D2HGDH: variants seen among roughly 807,000 people sequenced by gnomAD.
D2HGDH encodes the protein D-2-hydroxyglutarate dehydrogenase.
A neutral mutation model predicts 46.9 loss-of-function variants in D2HGDH; 31 were observed. That is an observed-to-expected ratio of 0.66 (90% CI 0.50 to 0.89). The LOEUF (loss-of-function observed/expected upper bound fraction) is 0.89, where lower values mean the gene tolerates loss of function less well. Among genes scored for constraint, D2HGDH ranks in the 40% least tolerant of loss-of-function variants. The probability of loss-of-function intolerance (pLI) is 0.00; values close to 1 mark genes in which losing one functional copy is unlikely to be tolerated. For missense variants in D2HGDH, 698 were observed against 720.8 expected, an observed-to-expected ratio of 0.97 and a Z score of 0.36; for synonymous variants, 364 against 332.6, an observed-to-expected ratio of 1.09 and a Z score of -1.03.
At chr2:241,756,708 G>C (rs933452629) in intron 9 of D2HGDH, among the ~76,000 whole-genome samples, 4 of 152,158 alleles carry the variant, frequency 2.6e-5, no homozygotes, top group Non-Finnish European at 5.9e-5. Context: ...TTTTAGTAGA[G>C]ACAGGGTTTT....
At chr2:241,739,681 G>A (rs1022138350) in intron 2 of D2HGDH, among the ~76,000 whole-genome samples, 2 of 152,238 alleles carry the variant, frequency 1.3e-5, no homozygotes, top group Non-Finnish European at 1.5e-5. Flanking sequence ...CAACACCGGC[G>A]AACTAGCTCA....
intron 6 of D2HGDH, among the ~76,000 whole-genome samples, chr2:241,745,968 C>T (rs1559367553): frequency 6.6e-6 from 1 of 152,192 alleles, no homozygotes; most frequent in South Asian, 2.1e-4. Context: ...CCTGGCCCCC[C>T]TTGGGCCACT....
At chr2:241,735,618 C>T (rs1692559172) in intron 2 of D2HGDH, 102 bp downstream of exon 2, 9 of 1,500,870 alleles carry the variant, frequency 6.0e-6, no homozygotes, top group Non-Finnish European at 8.1e-6. Context: ...GATGGGGGTG[C>T]CAGCCCCTGG....
rs539954381 is a variant in D2HGDH at position 241,744,689 on chromosome 2, G to T, written c.685-20G>T. ...TCAGGAGGCTGGCAGGTGGGTGAAC[G>T]TGCTTCTCTTTGCCCCAAGGTGCTG... On this transcript the variant is annotated intron_variant, in intron 5 of 9. Coordinates refer to ENST00000321264, the MANE Select transcript of D2HGDH (RefSeq NM_152783.5). The T allele has an allele frequency of 1.2e-6, 2 of 1,614,166 alleles. No homozygotes were observed. The highest frequency in any genetic ancestry group is 1.7e-6 in the Non-Finnish European group (2 of 1,180,026).
At chr2:241,759,200 G>A (rs780174990) in intron 9 of D2HGDH, among the ~76,000 whole-genome samples, 17 of 152,182 alleles carry the variant, frequency 1.1e-4, no homozygotes, top group Non-Finnish European at 2.5e-4. Flanking sequence ...TGTTTGTACA[G>A]ATCCATCAGA....
At chr2:241,751,671 T>A (rs1157445893) in intron 8 of D2HGDH, among the ~76,000 whole-genome samples, 1 of 152,272 alleles carries the variant, frequency 6.6e-6, no homozygotes, top group Non-Finnish European at 1.5e-5. Flanking sequence ...GCTGGTCCCC[T>A]GCAGCCTGTG....
intron 9 of D2HGDH, 79 bp downstream of exon 9, chr2:241,756,093 G>A (rs1215703324): frequency 8.7e-6 from 13 of 1,496,342 alleles, no homozygotes; most frequent in Middle Eastern, 2.1e-4. Flanking sequence ...GCCAGGCTTC[G>A]AGGCAGGGCA....
intron 6 of D2HGDH, among the ~76,000 whole-genome samples, chr2:241,746,703 C>T (rs767681654): frequency 1.4e-4 from 21 of 152,000 alleles, no homozygotes; most frequent in Non-Finnish European, 2.6e-4. Flanking sequence ...GCCTGGTCAA[C>T]AAGGTGAAAC....
At chr2:241,738,855 G>C (rs1384761396) in intron 2 of D2HGDH, among the ~76,000 whole-genome samples, 1 of 152,224 alleles carries the variant, frequency 6.6e-6, no homozygotes, top group Non-Finnish European at 1.5e-5. Flanking sequence ...CTGCTCAGTA[G>C]GTGTTTGCTG....
At chr2:241,745,636 C>T (rs1695664066) in intron 6 of D2HGDH, among the ~76,000 whole-genome samples, 1 of 152,154 alleles carries the variant, frequency 6.6e-6, no homozygotes, top group Non-Finnish European at 1.5e-5. Flanking sequence ...GCAATCTCAC[C>T]AGGATTATTA....
chr2:241,758,849 A>G (rs1307826045), intron 9 of D2HGDH, among the ~76,000 whole-genome samples: 1 of 147,802 alleles, frequency 6.8e-6, no homozygotes, highest in Non-Finnish European at 1.5e-5. Flanking sequence ...GTGTGGCCGG[A>G]CCGGTCTTGA....
At chr2:241,751,414 C>G (rs372072001) in intron 8 of D2HGDH, 26 bp downstream of exon 8, 4 of 1,611,696 alleles carry the variant, frequency 2.5e-6, no homozygotes, top group Non-Finnish European at 2.5e-6. Context: ...CTTGCAGGTC[C>G]CCGCTCTCTG....
At chr2:241,737,022 G>A (rs1436573256) in intron 2 of D2HGDH, among the ~76,000 whole-genome samples, 1 of 152,064 alleles carries the variant, frequency 6.6e-6, no homozygotes, top group East Asian at 1.9e-4. Flanking sequence ...AGGCTGGAGT[G>A]CAGTGGCGTG....
At position 241,767,720 on chromosome 2, in the gene D2HGDH, C is replaced by A; in HGVS notation, c.1317C>A (p.Asn439Lys). ...CCCTTGTCCCTCCAGGAGATGGTAA[C>A]CTGCACCTCAATGTGACGGCGGAGG... ...VVGYGHLGDG[N>K]LHLNVTAEAF... The change falls in exon 10 of 10, where the codon AAC becomes AAA. Residue 439 changes from asparagine (N) to lysine (K), a missense_variant. Coordinates refer to ENST00000321264, the MANE Select transcript of D2HGDH (RefSeq NM_152783.5). 3 of 1,612,898 alleles carry A rather than the reference C, an allele frequency of 1.9e-6. No homozygotes were observed. The highest frequency in any genetic ancestry group is 2.5e-6 in the Non-Finnish European group (3 of 1,179,556).
intron 8 of D2HGDH, among the ~76,000 whole-genome samples, chr2:241,752,162 G>T (rs553898980): frequency 5.9e-5 from 9 of 152,264 alleles, no homozygotes; most frequent in Middle Eastern, 3.4e-3. Flanking sequence ...GCTCGTGTTA[G>T]CCTGGGTGTT....
chr2:241,761,743 T>TCA (rs1325331728), intron 9 of D2HGDH, among the ~76,000 whole-genome samples: 3 of 152,092 alleles, frequency 2.0e-5, no homozygotes, highest in African/African-American at 7.2e-5. Context: ...TGTCACCATG[T>TCA]CACCATCCTG....
At chr2:241,746,454 C>T (rs1695885864) in intron 6 of D2HGDH, among the ~76,000 whole-genome samples, 1 of 152,154 alleles carries the variant, frequency 6.6e-6, no homozygotes, top group Admixed American at 6.5e-5. Flanking sequence ...TCTAGGTATT[C>T]TCAAGCTCAC....
rs555703927 is a variant in D2HGDH at position 241,749,494 on chromosome 2, G to A, written c.854-657G>A. 2.2e-4 allele frequency: 176 copies of A among 807,442 alleles called. 5 individuals are homozygous for A. The South Asian group carries it at 2.9e-3, about 13-fold the overall frequency. The allele number at this position is 807,442 out of a possible 1,614,324, so 50.0% of individuals were successfully genotyped here. ...CTTTCCATCTTTGCACTTGAGGGTC[G>A]GCTTCCCCAGGGCAGCGGCCTCACT... On this transcript the variant is annotated intron_variant, in intron 6 of 9. Coordinates refer to ENST00000321264, the MANE Select transcript of D2HGDH (RefSeq NM_152783.5).
Position 241,743,575 on chromosome 2 carries a change from G to A in D2HGDH, c.491-47G>A, listed in dbSNP as rs371115014. 7.5e-6 allele frequency: 12 copies of A among 1,592,012 alleles called. No homozygotes were observed. The African/African-American group carries it at 9.4e-5, about 12-fold the overall frequency. ...GGGGGTTGGGACTCACCAGCCCGGGGGCCCACTGGAAGCCAAGTGCTGCGG... is the reference window on the plus strand; with the variant it reads ...GGGGGTTGGGACTCACCAGCCCGGGAGCCCACTGGAAGCCAAGTGCTGCGG... On this transcript the variant is annotated intron_variant, in intron 4 of 9. Coordinates refer to ENST00000321264, the MANE Select transcript of D2HGDH (RefSeq NM_152783.5). This position sits in a 1 kb window ranked among gnomAD's most constrained non-coding sequence, Gnocchi z 4.8.
Sources: allele counts gnomAD v4.1 joint callset (sites outside exome capture counted in the v4.1 genomes callset), GRCh38; gene constraint gnomAD v4.1.1; non-coding constraint Gnocchi (gnomAD v3.1); transcripts MANE v1.5; gene names NCBI Gene and HGNC (gene_info 2026-07-23, HGNC 2026-07-21).